The following SULF1 variants were observed in gnomAD, a reference collection of about 807,000 sequenced individuals.
The protein encoded by SULF1 is sulfatase 1.
SULF1 carries 46 observed loss-of-function variants against 110.5 expected under a neutral mutation model. The ratio of observed to expected loss-of-function variants is 0.42; its 90% CI spans 0.33 to 0.53. SULF1 has a LOEUF of 0.53. SULF1 is among the 20% of genes least tolerant of loss of function. The probability of loss-of-function intolerance (pLI) is 0.12; values close to 1 mark genes in which losing one functional copy is unlikely to be tolerated. For missense variants in SULF1, 941 were observed against 1,094.2 expected, an observed-to-expected ratio of 0.86 and a Z score of 1.98; for synonymous variants, 371 against 387.1, an observed-to-expected ratio of 0.96 and a Z score of 0.49.
intron 3 of SULF1, among the ~76,000 whole-genome samples, chr8:69,534,149 T>C (rs13251613): frequency 0.12 from 18,863 of 152,268 alleles, 1,505 homozygotes; most frequent in Middle Eastern, 0.2. Context: ...GTACTGTACA[T>C]TCTGCATTAC....
chr8:69,602,131 T>C (rs1807869490), intron 10 of SULF1, among the ~76,000 whole-genome samples: 1 of 152,220 alleles, frequency 6.6e-6, no homozygotes, highest in African/African-American at 2.4e-5. Context: ...GATATCACCC[T>C]TCTTTGAATC....
intron 1 of SULF1, among the ~76,000 whole-genome samples, chr8:69,474,877 T>C (rs1809236454): frequency 6.6e-6 from 1 of 152,130 alleles, no homozygotes; most frequent in Non-Finnish European, 1.5e-5. Context: ...ACACAGAATA[T>C]AGAACAGAGA....
intron 13 of SULF1, among the ~76,000 whole-genome samples, chr8:69,617,233 A>C (rs995400589): frequency 6.6e-6 from 1 of 151,478 alleles, no homozygotes; most frequent in Non-Finnish European, 1.5e-5. Flanking sequence ...GCATGATGGC[A>C]TGATCTCAGC....
At chr8:69,560,579 C>T (rs1210551955) in intron 3 of SULF1, among the ~76,000 whole-genome samples, 1 of 152,176 alleles carries the variant, frequency 6.6e-6, no homozygotes, top group African/African-American at 2.4e-5. Flanking sequence ...AAAAACCTTT[C>T]TGCATTTCTT....
At chr8:69,658,406 C>A in intron 22 of SULF1, 99 bp from the exon 23 acceptor site, 1 of 855,094 alleles carries the variant, frequency 1.2e-6, no homozygotes, top group Non-Finnish European at 1.9e-6. Flanking sequence ...TGTCATACTT[C>A]TCATTGATTA....
chr8:69,597,163 G>A (rs1391284126), intron 8 of SULF1: 1 of 152,204 alleles, frequency 6.6e-6, no homozygotes, highest in African/African-American at 2.4e-5. Context: ...CCTTAGTTAG[G>A]AAAGCAAGCT....
rs538887179 is a variant in SULF1 at position 69,562,455 on chromosome 8, G to A, written c.-133-1084G>A. On this transcript the variant is annotated intron_variant, in intron 3 of 22. Transcript: ENST00000402687. ...CAAAATACAGATTCTCAGGTGTATG[G>A]GGACTGAGTGGCTGATGAAACAGAC... Among the ~76,000 whole-genome samples, 7 of 152,276 alleles carry A rather than the reference G, an allele frequency of 4.6e-5. No homozygotes were observed. In the East Asian group the frequency reaches 1.4e-3, roughly 29 times the overall value.
chr8:69,575,943 A>G (rs1476996363), intron 5 of SULF1, 27 bp from the exon 6 acceptor site: 6 of 1,610,390 alleles, frequency 3.7e-6, no homozygotes, highest in Non-Finnish European at 5.1e-6. Context: ...GCACTTTGCT[A>G]AACAATGCTG....
Position 69,658,653 on chromosome 8 carries a change from T to A in SULF1, c.*118T>A. 1.2e-6 allele frequency: 1 copy of A among 837,372 alleles called. No homozygotes were observed. The highest frequency in any genetic ancestry group is 2.1e-6 in the Non-Finnish European group (1 of 484,020). The allele number at this position is 837,372 out of a possible 1,614,324, so 51.9% of individuals were successfully genotyped here. On this transcript the variant is annotated 3_prime_UTR_variant, in exon 23 of 23. Transcript: ENST00000402687. Reference sequence around the variant, plus strand: ...GACTTAGTCTGGTGGACTGGACTAATTACTTGAAGGATTTAGATAGAGTAT... The same window carrying A: ...GACTTAGTCTGGTGGACTGGACTAAATACTTGAAGGATTTAGATAGAGTAT...
chr8:69,532,128 T>C (rs1813128087), intron 3 of SULF1, among the ~76,000 whole-genome samples: 1 of 152,172 alleles, frequency 6.6e-6, no homozygotes. Context: ...GAAACAAACC[T>C]TCATGGCTAT....
intron 1 of SULF1, among the ~76,000 whole-genome samples, chr8:69,487,456 T>A (rs1049016015): frequency 6.6e-6 from 1 of 152,226 alleles, no homozygotes; most frequent in African/African-American, 2.4e-5. Flanking sequence ...TTCGCCTGAA[T>A]TCTATAATCA....
At chr8:69,628,081 T>G (rs1810235939) in intron 17 of SULF1, 90 bp from the exon 18 acceptor site, 2 of 1,134,834 alleles carry the variant, frequency 1.8e-6, no homozygotes, top group Non-Finnish European at 2.6e-6. Flanking sequence ...ACTGCCTTCC[T>G]TCTTTCTATT....
intron 1 of SULF1, among the ~76,000 whole-genome samples, chr8:69,468,545 G>A (rs1340994886): frequency 6.6e-6 from 1 of 152,042 alleles, no homozygotes; most frequent in Non-Finnish European, 1.5e-5. Context: ...CAGTTATTCC[G>A]ACTGAGTATT....
intron 1 of SULF1, among the ~76,000 whole-genome samples, chr8:69,494,534 T>C (rs1265084784): frequency 6.6e-6 from 1 of 152,232 alleles, no homozygotes; most frequent in Admixed American, 6.5e-5. Context: ...AAGTCAAAAA[T>C]AAGATTGGAT....
intron 14 of SULF1, among the ~76,000 whole-genome samples, chr8:69,623,032 G>A (rs1195094225): frequency 6.6e-6 from 1 of 152,162 alleles, no homozygotes; most frequent in Non-Finnish European, 1.5e-5. Flanking sequence ...CCTCTACAGA[G>A]CTAAGAGCAT....
intron 8 of SULF1, among the ~76,000 whole-genome samples, chr8:69,596,447 G>A (rs1454314037): frequency 1.3e-5 from 2 of 152,130 alleles, no homozygotes; most frequent in African/African-American, 4.8e-5. Flanking sequence ...GCCTAGAAGG[G>A]CCAGACTTTA....
intron 22 of SULF1, 23 bp from the exon 23 acceptor site, chr8:69,658,482 C>G: frequency 6.5e-7 from 1 of 1,547,572 alleles, no homozygotes; most frequent in Non-Finnish European, 8.7e-7. Flanking sequence ...ACTAATGATT[C>G]ACCTTCTTCT....
At chr8:69,549,853 ACTCGTGGT>A (rs1341890008) in intron 3 of SULF1, among the ~76,000 whole-genome samples, 3 of 152,108 alleles carry the variant, frequency 2.0e-5, no homozygotes, top group African/African-American at 7.2e-5. Context: ...TGGAGCTGTG[ACTCGTGGT>A]CTTGAATATT....
rs1080842 is a variant in SULF1, at chr8:69,559,222, T to C, written c.-133-4317T>C. Among the ~76,000 whole-genome samples, 1,325 of 152,312 alleles carry C rather than the reference T, an allele frequency of 8.7e-3. 21 individuals carry two copies. Among genetic ancestry groups the C allele is most frequent in the African/African-American group, 0.029 (1,220 of 41,568 alleles). The stretch of plus-strand genomic sequence containing the variant: ...CAAGTGATAATTCATTAAAGGTTAG[T>C]TGTATTAAGAAATCTGAAGCCATAT... On this transcript the variant is annotated intron_variant, in intron 3 of 22. Transcript: ENST00000402687.
Sources: allele counts gnomAD v4.1 joint callset (sites outside exome capture counted in the v4.1 genomes callset), GRCh38; gene constraint gnomAD v4.1.1; transcripts MANE v1.5; gene names NCBI Gene and HGNC (gene_info 2026-07-23, HGNC 2026-07-21).